The following GLIS1 variants were observed in gnomAD, a reference collection of about 807,000 sequenced individuals.
The protein encoded by GLIS1 is GLIS family zinc finger 1.
A neutral mutation model predicts 63.8 loss-of-function variants in GLIS1; 24 were observed. The ratio of observed to expected loss-of-function variants is 0.38; its 90% confidence interval spans 0.27 to 0.53. The LOEUF (loss-of-function observed/expected upper bound fraction) is 0.53, where lower values mean the gene tolerates loss of function less well. GLIS1 is among the 20% of genes least tolerant of loss of function. The pLI is 0.85. For synonymous variants in GLIS1, 450 were observed against 482.5 expected, an observed-to-expected ratio of 0.93 and a Z score of 0.88; for missense variants, 1,036 against 1,074.1, an observed-to-expected ratio of 0.96 and a Z score of 0.50.
intron 2 of GLIS1, among the ~76,000 whole-genome samples, chr1:53,710,137 G>T (rs910248473): frequency 6.6e-6 from 1 of 152,208 alleles, no homozygotes; most frequent in Non-Finnish European, 1.5e-5. Flanking sequence ...TGAACCCCCA[G>T]AGAATCCAGG....
At chr1:53,520,906 G>A in intron 6 of GLIS1, 140 bp from the exon 7 acceptor site, 1 of 909,570 alleles carries the variant, frequency 1.1e-6, no homozygotes, top group Non-Finnish European at 1.6e-6. Flanking sequence ...TTCCCCATCT[G>A]TGAAATGGGC....
chr1:53,603,077 C>A (rs1302191569), intron 2 of GLIS1, among the ~76,000 whole-genome samples: 1 of 152,200 alleles, frequency 6.6e-6, no homozygotes, highest in East Asian at 1.9e-4. Context: ...AAGAAATAGT[C>A]TTTACCCAAC....
chr1:53,690,557 A>C (rs2100457939), intron 2 of GLIS1, among the ~76,000 whole-genome samples: 1 of 152,388 alleles, frequency 6.6e-6, no homozygotes, highest in South Asian at 2.1e-4. Context: ...TGACAGAACA[A>C]GCAGGACGCT....
intron 5 of GLIS1, 66 bp downstream of exon 5, chr1:53,529,725 A>G (rs1328337263): frequency 3.9e-6 from 6 of 1,520,518 alleles, no homozygotes; most frequent in Non-Finnish European, 5.4e-6. Flanking sequence ...GGGGCTCTGC[A>G]CTGAATGAGT....
At chr1:53,627,550 A>T (rs1449512381) in intron 2 of GLIS1, among the ~76,000 whole-genome samples, 1 of 152,238 alleles carries the variant, frequency 6.6e-6, no homozygotes, top group Admixed American at 6.5e-5. Context: ...GGCTGCCAGA[A>T]GGGAAGACGA....
chr1:53,651,515 T>G (rs1352048833), intron 2 of GLIS1, among the ~76,000 whole-genome samples: 5 of 151,990 alleles, frequency 3.3e-5, no homozygotes, highest in Admixed American at 3.3e-4. Flanking sequence ...CAGGTGGGTC[T>G]GGGGGGGCGA....
At chr1:53,597,659 C>A (rs985613505) in intron 3 of GLIS1, among the ~76,000 whole-genome samples, 1 of 151,952 alleles carries the variant, frequency 6.6e-6, no homozygotes, top group Non-Finnish European at 1.5e-5. Context: ...ACAAGGCCGT[C>A]GGGCGGTTGG....
intron 4 of GLIS1, among the ~76,000 whole-genome samples, chr1:53,535,383 G>C (rs897062755): frequency 1.2e-4 from 19 of 152,138 alleles, no homozygotes; most frequent in Non-Finnish European, 2.1e-4. Context: ...AGCACCTACC[G>C]TGAGTCCAGG....
intron 2 of GLIS1, among the ~76,000 whole-genome samples, chr1:53,679,642 A>G (rs939280348): frequency 5.3e-5 from 8 of 152,218 alleles, no homozygotes; most frequent in Admixed American, 5.2e-4. Context: ...TCTGAGCCAC[A>G]GAACCACAGA....
intron 4 of GLIS1, among the ~76,000 whole-genome samples, chr1:53,547,557 C>A (rs887030931): frequency 1.3e-5 from 2 of 152,258 alleles, no homozygotes; most frequent in African/African-American, 4.8e-5. Context: ...CCAGGCAGGG[C>A]TCCCCCAGCA....
At chr1:53,606,911 C>A (rs1645375845) in intron 2 of GLIS1, among the ~76,000 whole-genome samples, 2 of 152,222 alleles carry the variant, frequency 1.3e-5, no homozygotes, top group African/African-American at 4.8e-5. Context: ...CCTGAGCAGG[C>A]TCACCTCAGG....
chr1:53,513,921 G>T lies in GLIS1; in HGVS notation c.1883+704C>A, dbSNP rs559302342. 2.1e-4 allele frequency among the ~76,000 whole-genome samples: 32 copies of T among 152,388 alleles called. 1 individual carries two copies. Among genetic ancestry groups the T allele is most frequent in the African/African-American group, 7.7e-4 (32 of 41,600 alleles). On this transcript the variant is annotated intron_variant, in intron 8 of 10. Transcript: ENST00000628545. ...GGAGGAAGGTGCTGGGGCCAGGCCT[G>T]CGGGGACAAGGTGATCAGCAAAAAA...
intron 6 of GLIS1, among the ~76,000 whole-genome samples, chr1:53,523,651 T>C (rs572568785): frequency 2.0e-5 from 3 of 152,288 alleles, no homozygotes; most frequent in Admixed American, 2.0e-4. Flanking sequence ...TGGAGTTCCA[T>C]GGGAGTGCAG....
intron 4 of GLIS1, among the ~76,000 whole-genome samples, chr1:53,550,671 G>A (rs1444817167): frequency 6.6e-6 from 1 of 152,074 alleles, no homozygotes; most frequent in Non-Finnish European, 1.5e-5. Flanking sequence ...CAATTATCAA[G>A]TACCATGGCG....
rs367893468 is a variant in GLIS1, at chr1:53,573,253, A to T, written c.1320+20855T>A. Among the ~76,000 whole-genome samples the T allele has an allele frequency of 6.4e-4, 98 of 152,254 alleles. 1 individual carries two copies. The East Asian group carries it at 0.015, about 24-fold the overall frequency. On this transcript the variant is annotated intron_variant, in intron 4 of 10. Transcript: ENST00000628545. ...ACCTCATCCCTTCTGTCTGCTGGGG[A>T]AGGTGCCGCCTGTTAGAAAGTCCAT...
chr1:53,518,886 G>A (rs571688660), intron 7 of GLIS1, among the ~76,000 whole-genome samples: 2 of 152,372 alleles, frequency 1.3e-5, no homozygotes, highest in Non-Finnish European at 2.9e-5. Flanking sequence ...GAACAGGCTT[G>A]CAGCCTGGAC....
chr1:53,709,337 TATAC>T (rs1646614851), intron 2 of GLIS1, among the ~76,000 whole-genome samples: 1 of 135,742 alleles, frequency 7.4e-6, no homozygotes, highest in Non-Finnish European at 1.5e-5. Context: ...TACACATATA[TATAC>T]ATATATACAT....
At chr1:53,677,118 C>A (rs893152020) in intron 2 of GLIS1, among the ~76,000 whole-genome samples, 1 of 152,260 alleles carries the variant, frequency 6.6e-6, no homozygotes, top group African/African-American at 2.4e-5. Flanking sequence ...TGACGCCGGC[C>A]TACAGCTCTG....
intron 2 of GLIS1, among the ~76,000 whole-genome samples, chr1:53,736,791 C>G (rs1646916515): frequency 6.6e-6 from 1 of 152,014 alleles, no homozygotes; most frequent in Non-Finnish European, 1.5e-5. Flanking sequence ...GTTTTTGATC[C>G]ACAAGGAGCT....
Sources: gnomAD v4.1 joint callset for allele counts (sites outside exome capture counted in the v4.1 genomes callset) on GRCh38, gnomAD v4.1.1 for gene constraint, MANE v1.5 for transcripts, NCBI Gene and HGNC (gene_info 2026-07-23, HGNC 2026-07-21) for gene names.